Variants in EXOC4 observed in about 807,000 individuals in gnomAD.
EXOC4 encodes the protein SEC8-like 1.
Under a neutral mutation model 107.2 loss-of-function variants are expected in EXOC4, and 71 were observed. The ratio of observed to expected loss-of-function variants is 0.66; its 90% CI spans 0.55 to 0.81. The LOEUF is 0.81. EXOC4 is among the 30% of genes least tolerant of loss of function. EXOC4 has a pLI of 0.00. For missense variants in EXOC4, 1,108 were observed against 1,189.6 expected (o/e 0.93, Z 1.01); for synonymous variants, 456 against 441.2 (o/e 1.03, Z -0.42).
chr7:133,786,156 A>G (rs918967226), intron 10 of EXOC4, among the ~76,000 whole-genome samples: 6 of 152,242 alleles, frequency 3.9e-5, no homozygotes. Flanking sequence ...GGAGGACACT[A>G]GAATGTCTCG....
At chr7:133,855,101 A>ATATC (rs1563028482) in intron 11 of EXOC4, among the ~76,000 whole-genome samples, 79 of 71,920 alleles carry the variant, frequency 1.1e-3, no homozygotes, top group South Asian at 2.5e-3. Flanking sequence ...AAATATATAT[A>ATATC]TAAATATATA....
intron 9 of EXOC4, among the ~76,000 whole-genome samples, chr7:133,618,097 T>C (rs1208211379): frequency 6.6e-6 from 1 of 152,136 alleles, no homozygotes; most frequent in Admixed American, 6.6e-5. Context: ...ATCAGACACA[T>C]GATACAGGCT....
intron 1 of EXOC4, among the ~76,000 whole-genome samples, chr7:133,271,395 G>A (rs1218840975): frequency 6.6e-6 from 1 of 152,158 alleles, no homozygotes; most frequent in Non-Finnish European, 1.5e-5. Flanking sequence ...ATCCTTGAAG[G>A]AACCCAATGA....
intron 9 of EXOC4, among the ~76,000 whole-genome samples, chr7:133,555,701 C>G (rs959829255): frequency 7.2e-5 from 11 of 152,064 alleles, no homozygotes; most frequent in African/African-American, 4.8e-5. Flanking sequence ...GCTCGATAGA[C>G]AAGTATTTTT....
chr7:133,484,173 C>G, intron 9 of EXOC4: 2 of 1,589,752 alleles, frequency 1.3e-6, no homozygotes, highest in Non-Finnish European at 1.7e-6. Flanking sequence ...TAACAACACC[C>G]AAGAGGATAA....
At chr7:134,007,168 A>G (rs1794661546) in intron 16 of EXOC4, among the ~76,000 whole-genome samples, 1 of 152,200 alleles carries the variant, frequency 6.6e-6, no homozygotes, top group South Asian at 2.1e-4. Context: ...ATGTTGAAAT[A>G]TATTAACATT....
chr7:133,511,294 G>A (rs1226799136), intron 9 of EXOC4, among the ~76,000 whole-genome samples: 2 of 152,100 alleles, frequency 1.3e-5, no homozygotes, highest in Non-Finnish European at 2.9e-5. Flanking sequence ...TTAACAAAGG[G>A]TACTAAATTG....
At chr7:133,529,314 T>G (rs1361958682) in intron 9 of EXOC4, among the ~76,000 whole-genome samples, 4 of 152,168 alleles carry the variant, frequency 2.6e-5, no homozygotes, top group Non-Finnish European at 5.9e-5. Flanking sequence ...AAAAGAATAT[T>G]AAGGACAGAT....
intron 6 of EXOC4, among the ~76,000 whole-genome samples, chr7:133,363,067 G>A (rs1197339210): frequency 6.6e-6 from 1 of 152,086 alleles, no homozygotes; most frequent in East Asian, 1.9e-4. Flanking sequence ...AAAGCAAGCG[G>A]GAAGCAAGTA....
chr7:133,253,604 GA>G, intron 1 of EXOC4: 1 of 748,980 alleles, frequency 1.3e-6, no homozygotes, highest in Non-Finnish European at 1.6e-6. Flanking sequence ...GGAGTCCGGA[GA>G]TTCCTGTCAC....
chr7:133,499,102 G>T (rs1799530664), intron 9 of EXOC4, among the ~76,000 whole-genome samples: 1 of 76,322 alleles, frequency 1.3e-5, no homozygotes. Context: ...TTTCTTGGGG[G>T]AGCTTTTTGA....
At chr7:133,554,133 A>C (rs1316157164) in intron 9 of EXOC4, among the ~76,000 whole-genome samples, 1 of 152,106 alleles carries the variant, frequency 6.6e-6, no homozygotes, top group African/African-American at 2.4e-5. Flanking sequence ...GTCGTGCTTT[A>C]TCTCAGGTGG....
chr7:133,473,304 C>A (rs916981510), intron 7 of EXOC4, among the ~76,000 whole-genome samples: 6 of 152,016 alleles, frequency 3.9e-5, no homozygotes, highest in African/African-American at 1.4e-4. Flanking sequence ...ATCCACATAC[C>A]GAATAATACT....
intron 7 of EXOC4, among the ~76,000 whole-genome samples, chr7:133,377,679 G>A (rs964530239): frequency 2.6e-5 from 4 of 152,148 alleles, no homozygotes; most frequent in South Asian, 2.1e-4. Flanking sequence ...TGCAAGAAAC[G>A]TAACAAATCC....
intron 7 of EXOC4, among the ~76,000 whole-genome samples, chr7:133,467,815 C>G (rs905906098): frequency 6.6e-6 from 1 of 151,822 alleles, no homozygotes; most frequent in African/African-American, 2.4e-5. Context: ...TTCTATAGTT[C>G]CATGATCTTG....
At chr7:133,823,386 G>A (rs1797571524) in intron 11 of EXOC4, among the ~76,000 whole-genome samples, 1 of 152,088 alleles carries the variant, frequency 6.6e-6, no homozygotes, top group Non-Finnish European at 1.5e-5. Context: ...GTTGCTCAGG[G>A]GTGGGGCGTG....
intron 10 of EXOC4, among the ~76,000 whole-genome samples, chr7:133,807,125 G>C (rs574354918): frequency 3.3e-5 from 5 of 152,172 alleles, no homozygotes; most frequent in Non-Finnish European, 5.9e-5. Flanking sequence ...CTGACTGCCG[G>C]ACTGGAGTGT....
At chr7:133,406,379 A>G (rs1398490513) in intron 7 of EXOC4, among the ~76,000 whole-genome samples, 1 of 152,160 alleles carries the variant, frequency 6.6e-6, no homozygotes, top group African/African-American at 2.4e-5. Context: ...ACAAATGCTT[A>G]ATAATTTTTG....
At chr7:133,273,021 G>A (rs550246975) in intron 1 of EXOC4, among the ~76,000 whole-genome samples, 3 of 152,188 alleles carry the variant, frequency 2.0e-5, no homozygotes, top group Non-Finnish European at 2.9e-5. Context: ...ATGGCAAACC[G>A]ATCTAGTGTA....
Sources: allele counts gnomAD v4.1 joint callset (sites outside exome capture counted in the v4.1 genomes callset), GRCh38; gene constraint gnomAD v4.1.1; transcripts MANE v1.5; gene names NCBI Gene and HGNC (gene_info 2026-07-23, HGNC 2026-07-21).